Variants in ZFPM2 observed in about 807,000 individuals in gnomAD.
ZFPM2 encodes zinc finger protein ZFPM2.
A neutral mutation model predicts 98.6 loss-of-function variants in ZFPM2; 20 were observed. The observed-to-expected ratio is 0.20, with a 90% CI of 0.14 to 0.29. The LOEUF (loss-of-function observed/expected upper bound fraction) is 0.29. ZFPM2 is among the 10% of genes least tolerant of loss of function. The pLI is 1.00. For missense variants in ZFPM2, 1,310 were observed against 1,388.6 expected, an observed-to-expected ratio of 0.94 and a Z score of 0.90; for synonymous variants, 518 against 502.7, an observed-to-expected ratio of 1.03 and a Z score of -0.41.
chr8:105,780,734 T>C (rs532023643), intron 5 of ZFPM2, among the ~76,000 whole-genome samples: 1 of 152,142 alleles, frequency 6.6e-6, no homozygotes, highest in Admixed American at 6.5e-5. Flanking sequence ...ATACAAAAAA[T>C]TAGCCAGGTG....
At chr8:105,597,853 A>G (rs867933175) in intron 4 of ZFPM2, among the ~76,000 whole-genome samples, 1 of 152,098 alleles carries the variant, frequency 6.6e-6, no homozygotes, top group Non-Finnish European at 1.5e-5. Context: ...CCGCTGCACT[A>G]TAACTACATT....
intron 3 of ZFPM2, among the ~76,000 whole-genome samples, chr8:105,450,495 A>G (rs1301934635): frequency 1.3e-5 from 2 of 152,142 alleles, no homozygotes; most frequent in African/African-American, 4.8e-5. Context: ...GAAATCCTAG[A>G]ATGACTGTGT....
Position 105,370,974 on chromosome 8 carries a change from G to A in ZFPM2, c.41-48170G>A, listed in dbSNP as rs531231443. Among the ~76,000 whole-genome samples, 6 of 152,218 alleles carry A rather than the reference G, an allele frequency of 3.9e-5. 1 individual carries two copies. Among genetic ancestry groups the A allele is most frequent in the African/African-American group, 9.6e-5 (4 of 41,530 alleles). ...ATGGATTTTGAAGATGCTGTAATTCGTTGCTAGACGCATCTTTAAAATATT... is the reference window on the plus strand; with the variant it reads ...ATGGATTTTGAAGATGCTGTAATTCATTGCTAGACGCATCTTTAAAATATT... On this transcript the variant is annotated intron_variant, in intron 1 of 7. Transcript: ENST00000407775.
At chr8:105,378,761 T>C (rs1810782182) in intron 1 of ZFPM2, among the ~76,000 whole-genome samples, 1 of 152,146 alleles carries the variant, frequency 6.6e-6, no homozygotes, top group Non-Finnish European at 1.5e-5. Context: ...TCTCTCTAAA[T>C]CTAACAAATG....
At chr8:105,663,687 C>T (rs1817435103) in intron 5 of ZFPM2, among the ~76,000 whole-genome samples, 1 of 152,090 alleles carries the variant, frequency 6.6e-6, no homozygotes. Context: ...TAGGTGTTGA[C>T]CCATTTTACA....
At chr8:105,446,030 C>T (rs1167271629) in intron 3 of ZFPM2, among the ~76,000 whole-genome samples, 3 of 151,982 alleles carry the variant, frequency 2.0e-5, no homozygotes, top group South Asian at 2.1e-4. Flanking sequence ...AAGCGATTCT[C>T]CTGCCTCAGC....
intron 5 of ZFPM2, among the ~76,000 whole-genome samples, chr8:105,711,607 CTA>C (rs1231380243): frequency 6.6e-6 from 1 of 152,002 alleles, no homozygotes; most frequent in South Asian, 2.1e-4. Context: ...AGAGTGCATA[CTA>C]TATATACCAC....
At chr8:105,583,406 A>T (rs1305636557) in intron 4 of ZFPM2, among the ~76,000 whole-genome samples, 1 of 152,128 alleles carries the variant, frequency 6.6e-6, no homozygotes, top group Non-Finnish European at 1.5e-5. Context: ...ATTTTTAAAA[A>T]TTTCTAAGCT....
intron 1 of ZFPM2, among the ~76,000 whole-genome samples, chr8:105,398,048 A>AT (rs869126199): frequency 6.6e-6 from 1 of 152,166 alleles, no homozygotes; most frequent in Non-Finnish European, 1.5e-5. Flanking sequence ...CAATTCATGT[A>AT]TTTTTTAAAA....
chr8:105,723,422 A>G (rs1268065274), intron 5 of ZFPM2, among the ~76,000 whole-genome samples: 2 of 151,890 alleles, frequency 1.3e-5, no homozygotes, highest in Admixed American at 6.6e-5. Context: ...ATGAGCCTCA[A>G]AGTTCCTTAT....
At chr8:105,441,003 A>T (rs886090639) in intron 2 of ZFPM2, among the ~76,000 whole-genome samples, 1 of 151,990 alleles carries the variant, frequency 6.6e-6, no homozygotes, top group African/African-American at 2.4e-5. Flanking sequence ...TACAAAAAAA[A>T]AATTAGCCAG....
At chr8:105,382,809 T>C (rs1167988436) in intron 1 of ZFPM2, among the ~76,000 whole-genome samples, 1 of 152,122 alleles carries the variant, frequency 6.6e-6, no homozygotes, top group African/African-American at 2.4e-5. Flanking sequence ...AATTTAGAAA[T>C]AATTATGGGA....
At chr8:105,333,260 G>A (rs998981337) in intron 1 of ZFPM2, among the ~76,000 whole-genome samples, 13 of 151,624 alleles carry the variant, frequency 8.6e-5, no homozygotes, top group African/African-American at 2.4e-4. Context: ...TAACAACATC[G>A]TAGCTGATGG....
chr8:105,603,606 T>C (rs1816138625), intron 4 of ZFPM2, among the ~76,000 whole-genome samples: 1 of 152,108 alleles, frequency 6.6e-6, no homozygotes, highest in South Asian at 2.1e-4. Flanking sequence ...TTAGAGAATA[T>C]TCATACACTT....
intron 1 of ZFPM2, among the ~76,000 whole-genome samples, chr8:105,416,442 T>G (rs1314332768): frequency 6.6e-6 from 1 of 151,702 alleles, no homozygotes; most frequent in Non-Finnish European, 1.5e-5. Flanking sequence ...TTACTGTTAA[T>G]TAAACATTGT....
chr8:105,529,959 G>C (rs1333586282), intron 3 of ZFPM2, among the ~76,000 whole-genome samples: 1 of 151,998 alleles, frequency 6.6e-6, no homozygotes, highest in Non-Finnish European at 1.5e-5. Context: ...TAGAACTCCT[G>C]ACCTCAAGTG....
chr8:105,576,047 T>C (rs1185544940), intron 4 of ZFPM2, among the ~76,000 whole-genome samples: 1 of 152,158 alleles, frequency 6.6e-6, no homozygotes, highest in Non-Finnish European at 1.5e-5. Flanking sequence ...TCTAGTGAGC[T>C]TTAGAAACGG....
At chr8:105,752,648 T>G (rs866098033) in intron 5 of ZFPM2, among the ~76,000 whole-genome samples, 12 of 152,134 alleles carry the variant, frequency 7.9e-5, no homozygotes, top group African/African-American at 2.9e-4. Context: ...TTTTTAAAAT[T>G]AACCACCTTA....
At chr8:105,693,975 CTTTTCTTTTTTTTT>C (rs1272473082) in intron 5 of ZFPM2, among the ~76,000 whole-genome samples, 4 of 108,530 alleles carry the variant, frequency 3.7e-5, no homozygotes, top group Non-Finnish European at 8.1e-5. Context: ...TTCTTTTTTT[CTTTTCTTTTTTTTT>C]TTTTTTTTTT....
Sources: allele counts gnomAD v4.1 joint callset (sites outside exome capture counted in the v4.1 genomes callset), GRCh38; gene constraint gnomAD v4.1.1; transcripts MANE v1.5; gene names NCBI Gene and HGNC (gene_info 2026-07-23, HGNC 2026-07-21).